The following C21orf91 variants were observed in gnomAD, a reference collection of about 807,000 sequenced individuals.
C21orf91 encodes the protein chromosome 21 open reading frame 91.
Under a neutral mutation model 32.9 loss-of-function variants are expected in C21orf91, and 26 were observed. The observed-to-expected ratio is 0.79, with a 90% CI of 0.58 to 1.10. C21orf91 has a LOEUF of 1.10. Among genes scored for constraint, C21orf91 ranks in the 50% least tolerant of loss-of-function variants. C21orf91 has a pLI of 0.00. For synonymous variants in C21orf91, 126 were observed against 120.4 expected, an observed-to-expected ratio of 1.05 and a Z score of -0.31; for missense variants, 310 against 341.3, an observed-to-expected ratio of 0.91 and a Z score of 0.72.
Position 17,789,014 on chromosome 21 carries a change from T to A in C21orf91, c.*4401A>T, listed in dbSNP as rs1422574587. The stretch of plus-strand genomic sequence containing the variant: ...TTTATTGTTGTAAAATTAAAAATAG[T>A]AGACAAGCATATATACAGTTCCCAA... On this transcript the variant is annotated 3_prime_UTR_variant, in exon 5 of 5. Transcript: ENST00000284881. 5 of 152,114 alleles carry A rather than the reference T, an allele frequency of 3.3e-5. No homozygotes were observed. The highest frequency in any genetic ancestry group is 5.9e-5 in the Non-Finnish European group (4 of 68,014). The allele number at this position is 152,114 out of a possible 1,614,324, so 9.4% of individuals were successfully genotyped here.
At chr21:17,793,625 C>T (rs2824493) in intron 4 of C21orf91, 44 bp from the exon 5 acceptor site, 424,278 of 1,308,102 alleles carry the variant, frequency 0.32, 71,638 homozygotes, top group East Asian at 0.35. Flanking sequence ...TGCAGAAAGC[C>T]GGTGCTATGA....
chr21:17,796,051 T>C (rs1301637304), intron 3 of C21orf91, among the ~76,000 whole-genome samples: 1 of 152,240 alleles, frequency 6.6e-6, no homozygotes, highest in African/African-American at 2.4e-5. Flanking sequence ...AGGTCCCTTC[T>C]GGCTCTGAAA....
intron 2 of C21orf91, among the ~76,000 whole-genome samples, chr21:17,807,000 C>A (rs1249722322): frequency 6.6e-6 from 1 of 152,132 alleles, no homozygotes. Flanking sequence ...TGATATTTAT[C>A]CAATACACTT....
chr21:17,795,865 G>C (rs1028101270), intron 3 of C21orf91, among the ~76,000 whole-genome samples: 2 of 152,090 alleles, frequency 1.3e-5, no homozygotes, highest in Non-Finnish European at 2.9e-5. Flanking sequence ...ATGAATTCTG[G>C]TATCTCCTAT....
At chr21:17,808,778 TGAG>T (rs2146258969) in intron 2 of C21orf91, among the ~76,000 whole-genome samples, 1 of 152,260 alleles carries the variant, frequency 6.6e-6, no homozygotes, top group Admixed American at 6.5e-5. Flanking sequence ...TTTTGCAATG[TGAG>T]GAGGACATGA....
At chr21:17,801,488 T>C (rs1379684834) in intron 2 of C21orf91, among the ~76,000 whole-genome samples, 2 of 152,206 alleles carry the variant, frequency 1.3e-5, no homozygotes, top group South Asian at 2.1e-4. Context: ...GCCAGGATGG[T>C]CTCGATCTCC....
intron 2 of C21orf91, among the ~76,000 whole-genome samples, chr21:17,804,728 T>G (rs992499828): frequency 6.6e-6 from 1 of 152,174 alleles, no homozygotes; most frequent in Non-Finnish European, 1.5e-5. Context: ...AAACAGTTAA[T>G]CAAAGCAGCT....
At chr21:17,814,775 G>A (rs1017215674) in intron 2 of C21orf91, among the ~76,000 whole-genome samples, 1 of 152,132 alleles carries the variant, frequency 6.6e-6, no homozygotes, top group African/African-American at 2.4e-5. Flanking sequence ...TCCATGATCC[G>A]ATCACCTAAT....
At chr21:17,802,204 G>A (rs1230155063) in intron 2 of C21orf91, among the ~76,000 whole-genome samples, 1 of 152,074 alleles carries the variant, frequency 6.6e-6, no homozygotes, top group Admixed American at 6.5e-5. Context: ...CTTGTTGCCC[G>A]GGCTGAAGTG....
At position 17,792,023 on chromosome 21, in the gene C21orf91, T is replaced by C. The variant is rs546176853; in HGVS notation, c.*1392A>G. On this transcript the variant is annotated 3_prime_UTR_variant, in exon 5 of 5. Transcript: ENST00000284881. ...GGTAGGCTGCCAAATTTAAGGCAAA[T>C]GTCATTTATATCTTTATGCATGAAG... 2 of 152,128 alleles carry C rather than the reference T, an allele frequency of 1.3e-5. No homozygotes were observed. Among genetic ancestry groups the C allele is most frequent in the Non-Finnish European group, 2.9e-5 (2 of 67,988 alleles). 9.4% of individuals were successfully genotyped at this position (152,128 alleles called of 1,614,324 possible).
At chr21:17,798,344 A>T (rs1183341132) in intron 2 of C21orf91, among the ~76,000 whole-genome samples, 1 of 152,194 alleles carries the variant, frequency 6.6e-6, no homozygotes, top group African/African-American at 2.4e-5. Flanking sequence ...TGTTTTTAAA[A>T]ATATATATAG....
intron 1 of C21orf91, chr21:17,818,793 G>C (rs1442145420): frequency 6.6e-6 from 1 of 152,658 alleles, no homozygotes; most frequent in Admixed American, 6.5e-5. Flanking sequence ...TCGCGAACTC[G>C]GAGTTGCGAA....
intron 2 of C21orf91, among the ~76,000 whole-genome samples, chr21:17,802,569 A>C (rs2062569385): frequency 6.6e-6 from 1 of 152,234 alleles, no homozygotes; most frequent in African/African-American, 2.4e-5. Flanking sequence ...AACAAAAATA[A>C]TACTCCAAAT....
At chr21:17,812,370 G>A (rs950549354) in intron 2 of C21orf91, among the ~76,000 whole-genome samples, 4 of 152,154 alleles carry the variant, frequency 2.6e-5, no homozygotes, top group Non-Finnish European at 4.4e-5. Flanking sequence ...GTCCCTCAAA[G>A]TTCATGTTTT....
chr21:17,797,370 G>A (rs1459174735), intron 2 of C21orf91, among the ~76,000 whole-genome samples: 1 of 151,900 alleles, frequency 6.6e-6, no homozygotes, highest in African/African-American at 2.4e-5. Context: ...CTAGTCTAGA[G>A]ATGTTACTGC....
At chr21:17,814,024 T>C (rs1316717145) in intron 2 of C21orf91, 2 of 152,136 alleles carry the variant, frequency 1.3e-5, no homozygotes, top group East Asian at 1.9e-4. Context: ...AGGTTTTTTT[T>C]CCTCTATGGA....
intron 2 of C21orf91, among the ~76,000 whole-genome samples, chr21:17,808,731 T>A (rs1444546751): frequency 1.3e-5 from 2 of 152,202 alleles, no homozygotes; most frequent in Non-Finnish European, 2.9e-5. Context: ...CTAAAATGAA[T>A]TAAGTCTATG....
intron 2 of C21orf91, among the ~76,000 whole-genome samples, chr21:17,804,151 C>A (rs1248691706): frequency 6.6e-6 from 1 of 152,148 alleles, no homozygotes; most frequent in Non-Finnish European, 1.5e-5. Flanking sequence ...GACTACCATG[C>A]ATTTGATGAG....
At chr21:17,803,003 C>T (rs374997668) in intron 2 of C21orf91, among the ~76,000 whole-genome samples, 14 of 152,168 alleles carry the variant, frequency 9.2e-5, no homozygotes, top group East Asian at 3.8e-4. Context: ...GATTGGAAAG[C>T]ACTAAGAAAG....
Sources: allele counts gnomAD v4.1 joint callset (sites outside exome capture counted in the v4.1 genomes callset), GRCh38; gene constraint gnomAD v4.1.1; transcripts MANE v1.5; gene names NCBI Gene and HGNC (gene_info 2026-07-23, HGNC 2026-07-21).